PHACTR4: variants seen among roughly 807,000 people sequenced by gnomAD.
PHACTR4 encodes phosphatase and actin regulator 4.
Under a neutral mutation model 72.7 loss-of-function variants are expected in PHACTR4, and 51 were observed. The observed-to-expected ratio is 0.70, with a 90% confidence interval of 0.56 to 0.89. The LOEUF is 0.89. Ranked by LOEUF, PHACTR4 falls within the 40% of genes least tolerant of loss-of-function variation. The pLI is 0.00. For missense variants in PHACTR4, 731 were observed against 861.8 expected, an observed-to-expected ratio of 0.85 and a Z score of 1.90; for synonymous variants, 255 against 302.5, an observed-to-expected ratio of 0.84 and a Z score of 1.63.
rs768805020 is a variant in PHACTR4 at position 28,490,934 on chromosome 1, C to G, written c.1817-17C>G. 1.9e-6 allele frequency: 3 copies of G among 1,610,390 alleles called. No homozygotes were observed. Among genetic ancestry groups the G allele is most frequent in the South Asian group, 2.2e-5 (2 of 90,988 alleles). ...CATTTGTGAGTAATATTCCTTCCTT[C>G]TGATTGTCAACTGTAGCTAAAAATG... is the stretch of plus-strand genomic sequence containing the variant. On this transcript the variant is annotated splice_polypyrimidine_tract_variant and intron_variant, in intron 10 of 13. Coordinates refer to ENST00000373839, the MANE Select transcript of PHACTR4 (RefSeq NM_001048183.3).
intron 4 of PHACTR4, 62 bp from the exon 5 acceptor site, chr1:28,465,623 A>G (rs1659107028): frequency 1.4e-6 from 2 of 1,471,746 alleles, no homozygotes; most frequent in East Asian, 2.3e-5. Flanking sequence ...AGAAATTACT[A>G]ACTCTTCTTT....
chr1:28,416,123 A>G (rs1655089445), intron 2 of PHACTR4, among the ~76,000 whole-genome samples: 1 of 152,208 alleles, frequency 6.6e-6, no homozygotes, highest in Non-Finnish European at 1.5e-5. Flanking sequence ...AGAATGAAAG[A>G]CAAAATACAA....
chr1:28,478,476 G>A (rs1660061683), intron 8 of PHACTR4, among the ~76,000 whole-genome samples: 2 of 152,100 alleles, frequency 1.3e-5, no homozygotes, highest in Non-Finnish European at 2.9e-5. Context: ...TCTGTCACCA[G>A]GCAGGAGTGC....
intron 6 of PHACTR4, 42 bp downstream of exon 6, chr1:28,466,810 G>C (rs200319306): frequency 6.4e-7 from 1 of 1,558,144 alleles, no homozygotes; most frequent in East Asian, 2.3e-5. Context: ...GGTTTGGTTT[G>C]ATGTTGGATG....
chr1:28,466,858 T>G (rs1448323889), intron 6 of PHACTR4, 90 bp downstream of exon 6: 1 of 1,486,362 alleles, frequency 6.7e-7, no homozygotes, highest in African/African-American at 1.4e-5. Context: ...ATTGATTTGG[T>G]CTGTGAGAAT....
chr1:28,379,593 C>CTTT (rs575352039), intron 1 of PHACTR4, among the ~76,000 whole-genome samples: 1 of 136,250 alleles, frequency 7.3e-6, no homozygotes. Flanking sequence ...AATTTCTTTT[C>CTTT]TTTTTTTTTT....
At chr1:28,389,968 G>C (rs1017390655) in intron 1 of PHACTR4, among the ~76,000 whole-genome samples, 12 of 152,162 alleles carry the variant, frequency 7.9e-5, no homozygotes, top group Admixed American at 7.2e-4. Context: ...TCAGTGTTAA[G>C]TGTCCATCAG....
chr1:28,407,406 T>G lies in PHACTR4; in HGVS notation c.-38-4T>G. On this transcript the variant is annotated splice_region_variant and splice_polypyrimidine_tract_variant and intron_variant, in intron 1 of 13. Coordinates refer to ENST00000373839, the MANE Select transcript of PHACTR4 (RefSeq NM_001048183.3). ...GTGTATCATTTACCTTTTTCTCTTT[T>G]TAGAAACAGTATCTCACCTCCCTAA... 1 of 1,565,782 alleles carries G rather than the reference T, an allele frequency of 6.4e-7. No individual in the cohort carries two copies. Among genetic ancestry groups the G allele is most frequent in the South Asian group, 1.1e-5 (1 of 88,088 alleles).
At chr1:28,403,697 C>T (rs1466409855) in intron 1 of PHACTR4, among the ~76,000 whole-genome samples, 2 of 151,740 alleles carry the variant, frequency 1.3e-5, no homozygotes, top group Non-Finnish European at 2.9e-5. Context: ...TTTTAATTAC[C>T]CCCCAAAAAA....
chr1:28,466,859 C>A lies in PHACTR4; in HGVS notation c.823+91C>A, dbSNP rs1005403920. 3.4e-6 allele frequency: 5 copies of A among 1,484,114 alleles called. No individual in the cohort carries two copies. The African/African-American group carries it at 5.6e-5, about 17-fold the overall frequency. 91.9% of individuals were successfully genotyped at this position (1,484,114 alleles called of 1,614,324 possible). ...ATAACTGGTACAACATTGATTTGGT[C>A]TGTGAGAATTTTCCATATCTTGTCC... On this transcript the variant is annotated intron_variant, in intron 6 of 13. Coordinates refer to ENST00000373839, the MANE Select transcript of PHACTR4 (RefSeq NM_001048183.3).
intron 2 of PHACTR4, among the ~76,000 whole-genome samples, chr1:28,450,528 A>C (rs1657865823): frequency 6.6e-6 from 1 of 152,170 alleles, no homozygotes; most frequent in Non-Finnish European, 1.5e-5. Flanking sequence ...TTATTAGTAT[A>C]AAACAAATTT....
At chr1:28,375,377 A>T (rs1367086446) in intron 1 of PHACTR4, among the ~76,000 whole-genome samples, 1 of 149,528 alleles carries the variant, frequency 6.7e-6, no homozygotes, top group Non-Finnish European at 1.5e-5. Flanking sequence ...TTGGAAGAAG[A>T]TTATTTATAA....
intron 2 of PHACTR4, chr1:28,438,064 G>A (rs919790218): frequency 3.2e-6 from 3 of 925,972 alleles, no homozygotes; most frequent in Non-Finnish European, 3.9e-6. Context: ...TTTGGGCTAT[G>A]CCAGTCAGCA....
At chr1:28,468,845 G>A (rs571329706) in intron 6 of PHACTR4, among the ~76,000 whole-genome samples, 1 of 151,606 alleles carries the variant, frequency 6.6e-6, no homozygotes, top group South Asian at 2.1e-4. Context: ...GCTCTCCAGG[G>A]AGCACACATT....
chr1:28,463,414 C>G (rs1354845282), intron 4 of PHACTR4, among the ~76,000 whole-genome samples: 1 of 152,110 alleles, frequency 6.6e-6, no homozygotes. Context: ...GATTAAGTAA[C>G]TTGAGATAAC....
intron 2 of PHACTR4, among the ~76,000 whole-genome samples, chr1:28,412,680 A>AT: frequency 6.6e-6 from 1 of 152,122 alleles, no homozygotes. Flanking sequence ...AAGGCAAATA[A>AT]TTTTTTTGTA....
At chr1:28,375,096 C>A (rs187565996) in intron 1 of PHACTR4, among the ~76,000 whole-genome samples, 9 of 152,080 alleles carry the variant, frequency 5.9e-5, no homozygotes, top group Admixed American at 1.3e-4. Flanking sequence ...GCCAGGAGTT[C>A]GAGACGAGCC....
chr1:28,438,741 T>C (rs1295522876), intron 2 of PHACTR4, among the ~76,000 whole-genome samples: 1 of 152,246 alleles, frequency 6.6e-6, no homozygotes, highest in Non-Finnish European at 1.5e-5. Flanking sequence ...TTGCCGTTAC[T>C]AAAGATAAAT....
chr1:28,491,832 C>G, intron 12 of PHACTR4, 45 bp downstream of exon 12: 1 of 1,590,128 alleles, frequency 6.3e-7, no homozygotes, highest in Non-Finnish European at 8.6e-7. Flanking sequence ...TTCTCTTTTT[C>G]TCTTTATTTG....
Sources: allele counts gnomAD v4.1 joint callset (sites outside exome capture counted in the v4.1 genomes callset), GRCh38; gene constraint gnomAD v4.1.1; transcripts MANE v1.5; gene names NCBI Gene and HGNC (gene_info 2026-07-23, HGNC 2026-07-21).